The following MICAL3 variants were observed in gnomAD, a reference collection of about 807,000 sequenced individuals.
MICAL3 encodes the protein microtubule associated monooxygenase, calponin and LIM domain containing 3, also known as [F-actin]-monooxygenase MICAL3.
Under a neutral mutation model 207.4 loss-of-function variants are expected in MICAL3, and 62 were observed. That is an observed-to-expected ratio of 0.30 (90% CI 0.24 to 0.37). MICAL3 has a LOEUF of 0.37. MICAL3 is among the 10% of genes least tolerant of loss of function. MICAL3 has a pLI of 1.00. For missense variants in MICAL3, 2,368 were observed against 2,635.6 expected, an observed-to-expected ratio of 0.90 and a Z score of 2.22; for synonymous variants, 1,077 against 1,069.3, an observed-to-expected ratio of 1.01 and a Z score of -0.14.
chr22:17,881,225 G>C, intron 16 of MICAL3: 4 of 1,612,726 alleles, frequency 2.5e-6, no homozygotes, highest in Non-Finnish European at 3.4e-6. Context: ...CCATGTGCCC[G>C]ACAGGGAGGT....
chr22:17,906,449 C>T, intron 2 of MICAL3, 100 bp downstream of exon 2: 1 of 1,604,858 alleles, frequency 6.2e-7, no homozygotes, highest in Non-Finnish European at 8.5e-7. Context: ...GCACCCAGAC[C>T]TTGTAGATCA....
At chr22:17,800,255 C>T (rs765206940) in intron 29 of MICAL3, among the ~76,000 whole-genome samples, 12 of 152,044 alleles carry the variant, frequency 7.9e-5, no homozygotes, top group East Asian at 1.9e-4. Context: ...ATGAGGTCCC[C>T]GAAAACTAGA....
chr22:17,938,616 G>C (rs769464089), intron 1 of MICAL3, among the ~76,000 whole-genome samples: 78 of 152,236 alleles, frequency 5.1e-4, no homozygotes, highest in Admixed American at 1.8e-3. Flanking sequence ...AACAGATTTG[G>C]GTGTTGAAAT....
intron 17 of MICAL3, among the ~76,000 whole-genome samples, chr22:17,869,190 G>T (rs550685278): frequency 6.6e-6 from 1 of 152,164 alleles, no homozygotes; most frequent in South Asian, 2.1e-4. Flanking sequence ...GGGTGGACAC[G>T]CAATGCTCTC....
intron 29 of MICAL3, among the ~76,000 whole-genome samples, chr22:17,806,937 G>A (rs796279582): frequency 1.5e-4 from 23 of 152,324 alleles, no homozygotes; most frequent in African/African-American, 5.1e-4. Context: ...TGACAGGGGC[G>A]TCGAAGCACT....
At chr22:18,008,213 T>A (rs1229122494) in intron 1 of MICAL3, among the ~76,000 whole-genome samples, 5 of 151,974 alleles carry the variant, frequency 3.3e-5, no homozygotes, top group African/African-American at 1.2e-4. Flanking sequence ...CACTCCAGCC[T>A]GGGTAAAAAG....
At chr22:17,986,177 T>A (rs1336489631) in intron 1 of MICAL3, among the ~76,000 whole-genome samples, 1 of 152,148 alleles carries the variant, frequency 6.6e-6, no homozygotes, top group African/African-American at 2.4e-5. Context: ...AGTGATGGGA[T>A]TACAGGCGTG....
intron 11 of MICAL3, 133 bp downstream of exon 11, chr22:17,893,675 C>T: frequency 4.5e-6 from 3 of 664,776 alleles, no homozygotes; most frequent in Non-Finnish European, 7.8e-6. Flanking sequence ...GGCAAAATCA[C>T]CCTGGGTTGA....
chr22:17,893,813 C>T lies in MICAL3; in HGVS notation c.1541G>A (p.Arg514His), dbSNP rs865849103. ...AAGCCACCACCAGAACTCACCATTGCGAGTCAATTTGGGGGTGGTTCGGGA... is the reference window on the plus strand; with the variant it reads ...AAGCCACCACCAGAACTCACCATTGTGAGTCAATTTGGGGGTGGTTCGGGA... The part of the protein sequence containing the change: ...VNSRTTPKLT[R>H]NESVARSSKL... Residue 514 changes from arginine (R) to histidine (H), a missense_variant, in exon 11 of 32, where the codon CGC (arginine) becomes CAC (histidine). Arg to His is a conservative substitution (Grantham distance 29). Transcript: ENST00000441493. The T allele has an allele frequency of 1.9e-6, 3 of 1,568,298 alleles. No homozygotes were observed. The highest frequency in any genetic ancestry group is 4.7e-5 in the East Asian group (2 of 42,806).
rs886402029 is a variant in MICAL3, at chr22:17,921,859, A to C, written c.-74-14973T>G. Among the ~76,000 whole-genome samples the C allele has an allele frequency of 2.6e-5, 4 of 152,048 alleles. No individual in the cohort carries two copies. The South Asian group carries it at 8.3e-4, about 32-fold the overall frequency. ...GCCAGAGGGGTCTTTTGTAAGGGCC[A>C]ATGTGACCCGTTTCAGCCTCTGCTG... On this transcript the variant is annotated intron_variant, in intron 1 of 31. Transcript: ENST00000441493.
At chr22:17,975,786 T>C (rs184051035) in intron 1 of MICAL3, among the ~76,000 whole-genome samples, 1 of 152,102 alleles carries the variant, frequency 6.6e-6, no homozygotes, top group African/African-American at 2.4e-5. Context: ...GACACAGGAT[T>C]TGCTATTAAA....
Position 17,829,142 on chromosome 22 carries a change from G to T in MICAL3, c.3056-1361C>A, listed in dbSNP as rs548391210. On this transcript the variant is annotated intron_variant, in intron 21 of 31. Transcript: ENST00000441493. ...TGTTGCTGGTCTCTATAGATTTGTG[G>T]ACTTTTTCTGAGGTGAATTTGCCTT... is the stretch of plus-strand genomic sequence containing the variant. Among the ~76,000 whole-genome samples, 7 of 151,282 alleles carry T rather than the reference G, an allele frequency of 4.6e-5. No individual in the cohort carries two copies. The South Asian group carries it at 1.5e-3, about 32-fold the overall frequency.
At chr22:17,978,568 C>T (rs897611998) in intron 1 of MICAL3, among the ~76,000 whole-genome samples, 12 of 151,374 alleles carry the variant, frequency 7.9e-5, no homozygotes, top group African/African-American at 2.9e-4. Flanking sequence ...GGCTGAAGTG[C>T]AGTGGCACAA....
At chr22:18,003,814 G>C (rs796073118) in intron 1 of MICAL3, among the ~76,000 whole-genome samples, 1 of 151,570 alleles carries the variant, frequency 6.6e-6, no homozygotes, top group East Asian at 1.9e-4. Flanking sequence ...TGTGTTGCAA[G>C]TCTGGAGTGC....
intron 1 of MICAL3, among the ~76,000 whole-genome samples, chr22:17,994,067 C>CAG (rs758859797): frequency 3.4e-4 from 52 of 152,318 alleles, no homozygotes; most frequent in Admixed American, 2.4e-3. Flanking sequence ...GCACTCAGGA[C>CAG]AGTGTGGCAT....
chr22:17,827,656 A>G lies in MICAL3; in HGVS notation c.3181T>C (p.Ser1061Pro). ...TGGGAGTGTTTACCTCCGGAAGCAG[A>G]GGACTCAGAGGCCGGCGCCATCCTC... The part of the protein sequence containing the change: ...EERMAPASES[S>P]ASGAPLDEND... Residue 1061 changes from serine to proline, a missense_variant, in exon 22 of 32, where the codon TCT (serine) becomes CCT (proline). Ser to Pro is a moderately conservative substitution (Grantham distance 74). This residue lies in a region of MICAL3 where 1,770 missense variants were observed against 1,863.2 expected (regional missense o/e 0.95). Coordinates refer to ENST00000441493, the MANE Select transcript of MICAL3 (RefSeq NM_015241.3). The G allele has an allele frequency of 6.4e-7, 1 of 1,570,940 alleles. No homozygotes were observed. The highest frequency in any genetic ancestry group is 8.6e-7 in the Non-Finnish European group (1 of 1,158,300).
intron 19 of MICAL3, chr22:17,842,339 C>T: frequency 3.5e-6 from 1 of 288,966 alleles, no homozygotes; most frequent in Non-Finnish European, 6.6e-6. Context: ...GGCCAGACCG[C>T]AGGCAGCCAG....
intron 17 of MICAL3, among the ~76,000 whole-genome samples, chr22:17,868,912 CAGTGCGAGCCCTGCATGGAG>C (rs1927433518): frequency 1.3e-5 from 2 of 152,044 alleles, no homozygotes; most frequent in Admixed American, 6.6e-5. Flanking sequence ...ATGGATGAGA[CAGTGCGAGCCCTGCATGGAG>C]AACCACACAG....
At chr22:17,834,652 A>G in intron 20 of MICAL3, 1 of 1,012,726 alleles carries the variant, frequency 9.9e-7, no homozygotes, top group South Asian at 3.5e-5. Context: ...AGCAGAACAC[A>G]AGCACGGTGG....
Sources: gnomAD v4.1 joint callset for allele counts (sites outside exome capture counted in the v4.1 genomes callset) on GRCh38, gnomAD v4.1.1 for gene constraint, gnomAD v4.1.1 regional missense constraint, MANE v1.5 for transcripts, NCBI Gene and HGNC (gene_info 2026-07-23, HGNC 2026-07-21) for gene names.